The following RTN4 variants were observed in gnomAD, a reference collection of about 807,000 sequenced individuals.
RTN4 encodes reticulon 4.
RTN4 carries 32 observed loss-of-function variants against 90.4 expected under a neutral mutation model. That is an observed-to-expected ratio of 0.35 (90% CI 0.27 to 0.48). RTN4 has a LOEUF of 0.48. Ranked by LOEUF, RTN4 falls within the 20% of genes least tolerant of loss-of-function variation. RTN4 has a pLI of 0.99. For missense variants in RTN4, 1,706 were observed against 1,430.2 expected, an observed-to-expected ratio of 1.19 and a Z score of -3.11; for synonymous variants, 629 against 552.5, an observed-to-expected ratio of 1.14 and a Z score of -1.94.
intron 1 of RTN4, among the ~76,000 whole-genome samples, chr2:55,034,423 G>T (rs1014771427): frequency 8.5e-5 from 13 of 152,090 alleles, no homozygotes; most frequent in Admixed American, 3.9e-4. Flanking sequence ...GATCACTTGA[G>T]CCCAGGAGTT....
Position 55,068,600 on chromosome 2 carries a change from T to G in RTN4, c.-63+11889A>C, listed in dbSNP as rs1357267640. 2.1e-5 allele frequency among the ~76,000 whole-genome samples: 3 copies of G among 141,132 alleles called. No homozygotes were observed. In the Admixed American group the frequency reaches 2.4e-4, roughly 11 times the overall value. 92.6% of individuals were successfully genotyped at this position (141,132 alleles called of 152,430 possible). On this transcript the variant is annotated intron_variant, in intron 2 of 3. Transcript: ENST00000427710. ...CATATGTTTTTGATTAAAGTTCTGC[T>G]GAATACCCAAGTTTGAATAACCACA...
chr2:55,027,621 G>C (rs376517375), intron 2 of RTN4, 136 bp from the exon 3 acceptor site: 1 of 839,678 alleles, frequency 1.2e-6, no homozygotes, highest in Non-Finnish European at 1.8e-6. Flanking sequence ...CAATTAATAA[G>C]TAACAATAGA....
chr2:55,061,590 G>A (rs562850220), intron 2 of RTN4, among the ~76,000 whole-genome samples: 1 of 152,256 alleles, frequency 6.6e-6, no homozygotes, highest in Non-Finnish European at 1.5e-5. Context: ...ATACTGCAAT[G>A]TTAAAGAGAC....
chr2:55,128,639 T>C, the RTN4 span, among the ~76,000 whole-genome samples: 7 of 151,978 alleles, frequency 4.6e-5, no homozygotes, highest in Non-Finnish European at 1.5e-5. Context: ...GATAAAAGGA[T>C]TAAAAACCCA....
chr2:55,123,532 T>C, the RTN4 span, among the ~76,000 whole-genome samples: 2 of 152,102 alleles, frequency 1.3e-5, no homozygotes, highest in African/African-American at 2.4e-5. Flanking sequence ...CTTTCAATTA[T>C]ATCAATTGAA....
chr2:55,121,344 C>G, the RTN4 span, among the ~76,000 whole-genome samples: 2 of 152,202 alleles, frequency 1.3e-5, no homozygotes, highest in Non-Finnish European at 2.9e-5. Flanking sequence ...CAGGAAAAAT[C>G]TAACTGACCA....
At chr2:54,982,369 T>A (rs1163100492) in intron 5 of RTN4, 146 bp downstream of exon 5, 1 of 724,328 alleles carries the variant, frequency 1.4e-6, no homozygotes, top group African/African-American at 1.8e-5. Context: ...TTTGATTGGA[T>A]TCTGAATTTT....
intron 1 of RTN4, among the ~76,000 whole-genome samples, chr2:55,107,634 G>A (rs1375714828): frequency 6.6e-6 from 1 of 151,940 alleles, no homozygotes; most frequent in South Asian, 2.1e-4. Flanking sequence ...GGCACTTCAG[G>A]CTAAGCAGAC....
chr2:55,017,407 A>T (rs1427473089), intron 3 of RTN4, among the ~76,000 whole-genome samples: 1 of 152,192 alleles, frequency 6.6e-6, no homozygotes, highest in Non-Finnish European at 1.5e-5. Flanking sequence ...TAGACAAACA[A>T]GCCCTTTTAA....
chr2:55,070,560 A>AG (rs1331383933), intron 2 of RTN4, among the ~76,000 whole-genome samples: 190 of 150,968 alleles, frequency 1.3e-3, no homozygotes, highest in Middle Eastern at 6.8e-3. Context: ...AAAAAAAAAA[A>AG]AAAAAAGAAA....
intron 4 of RTN4, among the ~76,000 whole-genome samples, chr2:54,985,437 G>C (rs78402810): frequency 0.031 from 4,781 of 152,014 alleles, 250 homozygotes; most frequent in African/African-American, 0.11. Flanking sequence ...TAGTATTACA[G>C]GCATGAGCCA....
intron 3 of RTN4, among the ~76,000 whole-genome samples, chr2:54,999,637 A>G (rs1235915192): frequency 6.6e-6 from 1 of 152,160 alleles, no homozygotes; most frequent in Non-Finnish European, 1.5e-5. Flanking sequence ...ATGAATATAT[A>G]AATATTAGAA....
At position 55,059,390 on chromosome 2, in the gene RTN4, G is replaced by A. The variant is rs1668249385; in HGVS notation, c.-63+21099C>T. Among the ~76,000 whole-genome samples, 6 of 151,508 alleles carry A rather than the reference G, an allele frequency of 4.0e-5. No homozygotes were observed. The South Asian group carries it at 1.3e-3, about 32-fold the overall frequency. The stretch of plus-strand genomic sequence containing the variant: ...TTTATTTTTGAGACAGTCTCACTCT[G>A]TTGCCCAGGATGGAGTGCAGTGGTG... On this transcript the variant is annotated intron_variant, in intron 2 of 3. Coordinates refer to the RTN4 transcript ENST00000427710.
intron 1 of RTN4, among the ~76,000 whole-genome samples, chr2:55,047,865 C>G (rs1289389906): frequency 6.6e-6 from 1 of 152,240 alleles, no homozygotes; most frequent in East Asian, 1.9e-4. Context: ...AACATACAAT[C>G]AGGAACTTAG....
chr2:55,004,859 G>GA (rs201504967), intron 3 of RTN4, among the ~76,000 whole-genome samples: 16 of 151,690 alleles, frequency 1.1e-4, no homozygotes, highest in Non-Finnish European at 2.1e-4. Context: ...CCTTAGGGGG[G>GA]AAAAAAAAGT....
chr2:54,996,869 C>T (rs762738303), intron 3 of RTN4, among the ~76,000 whole-genome samples: 10 of 152,136 alleles, frequency 6.6e-5, no homozygotes, highest in Non-Finnish European at 1.2e-4. Flanking sequence ...ATCCTCCTGC[C>T]TCAGCCTCCC....
intron 1 of RTN4, among the ~76,000 whole-genome samples, chr2:55,100,863 G>A (rs1667840636): frequency 7.0e-6 from 1 of 143,634 alleles, no homozygotes; most frequent in Non-Finnish European, 1.5e-5. Flanking sequence ...TTTTTCTCTT[G>A]ACAGCACTCT....
intron 3 of RTN4, among the ~76,000 whole-genome samples, chr2:55,011,687 A>C (rs1330767895): frequency 1.3e-5 from 2 of 152,154 alleles, no homozygotes; most frequent in Non-Finnish European, 2.9e-5. Flanking sequence ...TTATGTACCC[A>C]AAAAAACTAA....
intron 5 of RTN4, among the ~76,000 whole-genome samples, chr2:54,979,036 G>A (rs1180880194): frequency 6.6e-6 from 1 of 151,420 alleles, no homozygotes; most frequent in Non-Finnish European, 1.5e-5. Context: ...AGGAACTTAA[G>A]ATTAAGATTT....
Sources: gnomAD v4.1 joint callset for allele counts (sites outside exome capture counted in the v4.1 genomes callset) on GRCh38, gnomAD v4.1.1 for gene constraint, MANE v1.5 for transcripts, NCBI Gene and HGNC (gene_info 2026-07-23, HGNC 2026-07-21) for gene names.